Variants in KCNIP1 observed in about 807,000 individuals in gnomAD.
KCNIP1 encodes A-type potassium channel modulatory protein KCNIP1.
In KCNIP1, 18 loss-of-function variants were observed where a neutral mutation model predicts 33.0. That is an observed-to-expected ratio of 0.55 (90% confidence interval 0.38 to 0.81). The LOEUF (loss-of-function observed/expected upper bound fraction) is 0.81, where lower values mean the gene tolerates loss of function less well. Among genes scored for constraint, KCNIP1 ranks in the 30% least tolerant of loss-of-function variants. The pLI, the probability that KCNIP1 is intolerant of heterozygous loss-of-function variation, is 0.00. For synonymous variants in KCNIP1, 93 were observed against 98.3 expected (o/e 0.95, Z 0.32); for missense variants, 238 against 271.6 (o/e 0.88, Z 0.87).
At chr5:170,597,951 C>A (rs367938473) in intron 1 of KCNIP1, among the ~76,000 whole-genome samples, 1 of 151,946 alleles carries the variant, frequency 6.6e-6, no homozygotes, top group African/African-American at 2.4e-5. Context: ...AAACTCTGTC[C>A]GGAATTGCTG....
chr5:170,409,459 C>T (rs545777618), intron 1 of KCNIP1, among the ~76,000 whole-genome samples: 25 of 152,326 alleles, frequency 1.6e-4, no homozygotes, highest in Admixed American at 1.4e-3. Context: ...CTCCATCCCA[C>T]GGCTTTGCTC....
chr5:170,401,358 T>G (rs1754897132), intron 1 of KCNIP1, among the ~76,000 whole-genome samples: 2 of 152,344 alleles, frequency 1.3e-5, no homozygotes, highest in Middle Eastern at 3.4e-3. Flanking sequence ...GTGAATATTA[T>G]TATGAACTTC....
At chr5:170,695,839 T>A (rs1218695061) in intron 1 of KCNIP1, among the ~76,000 whole-genome samples, 1 of 152,106 alleles carries the variant, frequency 6.6e-6, no homozygotes, top group Non-Finnish European at 1.5e-5. Flanking sequence ...GCCAACATGA[T>A]GAAACCCCGT....
At chr5:170,457,732 C>A (rs999141498) in intron 1 of KCNIP1, among the ~76,000 whole-genome samples, 1 of 152,142 alleles carries the variant, frequency 6.6e-6, no homozygotes, top group Non-Finnish European at 1.5e-5. Context: ...ACAGACACTA[C>A]ACAAATGAGG....
rs535005444 is a variant in KCNIP1 at position 170,562,889 on chromosome 5, T to C, written c.61+58256T>C. ...TGGGACCCATGCTCCTGTAGCTGTCTGCAGTCTCGAGCCCCAAGGCAGTAG... is the reference window on the plus strand; with the variant it reads ...TGGGACCCATGCTCCTGTAGCTGTCCGCAGTCTCGAGCCCCAAGGCAGTAG... On this transcript the variant is annotated intron_variant, in intron 1 of 7. Coordinates refer to ENST00000328939, the MANE Select transcript of KCNIP1 (RefSeq NM_014592.4). Among the ~76,000 whole-genome samples, 28 of 152,336 alleles carry C rather than the reference T, an allele frequency of 1.8e-4. No individual in the cohort carries two copies. In the South Asian group the frequency reaches 2.3e-3, roughly 12 times the overall value.
At chr5:170,443,357 C>A (rs1288726086) in intron 1 of KCNIP1, among the ~76,000 whole-genome samples, 3 of 151,118 alleles carry the variant, frequency 2.0e-5, no homozygotes, top group African/African-American at 7.3e-5. Context: ...GGCTTGGAAA[C>A]CAAATCAACC....
chr5:170,633,905 G>A (rs918368725), intron 1 of KCNIP1, among the ~76,000 whole-genome samples: 3 of 152,160 alleles, frequency 2.0e-5, no homozygotes, highest in African/African-American at 7.2e-5. Context: ...CTGTGCTGGG[G>A]TAGACTGTCA....
At chr5:170,525,850 G>A (rs1236479228) in intron 1 of KCNIP1, among the ~76,000 whole-genome samples, 1 of 152,210 alleles carries the variant, frequency 6.6e-6, no homozygotes, top group African/African-American at 2.4e-5. Flanking sequence ...TGTTAGTTCG[G>A]GTCATGTTAG....
intron 1 of KCNIP1, among the ~76,000 whole-genome samples, chr5:170,366,165 T>C (rs1397156351): frequency 1.3e-5 from 2 of 152,374 alleles, no homozygotes; most frequent in South Asian, 2.1e-4. Flanking sequence ...ACTGTATTCA[T>C]TGAGCAAGCT....
chr5:170,681,973 C>T (rs1401738276), intron 1 of KCNIP1, among the ~76,000 whole-genome samples: 1 of 152,190 alleles, frequency 6.6e-6, no homozygotes, highest in Non-Finnish European at 1.5e-5. Context: ...AGATCAAACT[C>T]CAATAGTGTA....
At chr5:170,403,215 G>A (rs1754952347) in intron 1 of KCNIP1, among the ~76,000 whole-genome samples, 2 of 152,216 alleles carry the variant, frequency 1.3e-5, no homozygotes, top group Non-Finnish European at 2.9e-5. Flanking sequence ...AAGGGAGGGG[G>A]TGACAGAAAG....
intron 1 of KCNIP1, among the ~76,000 whole-genome samples, chr5:170,683,492 T>C (rs1762430258): frequency 6.6e-6 from 1 of 152,170 alleles, no homozygotes; most frequent in African/African-American, 2.4e-5. Context: ...TTACCACACA[T>C]AGGCTCTTAT....
chr5:170,417,388 G>C (rs1407989614), intron 1 of KCNIP1, among the ~76,000 whole-genome samples: 3 of 152,204 alleles, frequency 2.0e-5, no homozygotes, highest in African/African-American at 7.2e-5. Context: ...AGAATAAGCA[G>C]CCAGAAATCT....
intron 1 of KCNIP1, among the ~76,000 whole-genome samples, chr5:170,587,935 T>G (rs1438318042): frequency 6.6e-6 from 1 of 152,222 alleles, no homozygotes; most frequent in Non-Finnish European, 1.5e-5. Flanking sequence ...AGCTCAGTGC[T>G]TGGCACAGTA....
intron 1 of KCNIP1, among the ~76,000 whole-genome samples, chr5:170,423,287 GT>G (rs35494389): frequency 0.69 from 100,649 of 145,736 alleles, 34,906 homozygotes; most frequent in African/African-American, 0.81. Flanking sequence ...TTTCTTTCTT[GT>G]TTTTTTTTTT....
intron 1 of KCNIP1, among the ~76,000 whole-genome samples, chr5:170,558,715 T>G (rs1172451923): frequency 6.6e-6 from 1 of 152,216 alleles, no homozygotes; most frequent in Non-Finnish European, 1.5e-5. Flanking sequence ...TAAACTTTAA[T>G]GGTCCCCCGG....
chr5:170,537,265 C>T (rs139998247), intron 1 of KCNIP1, among the ~76,000 whole-genome samples: 24 of 152,258 alleles, frequency 1.6e-4, no homozygotes, highest in Middle Eastern at 3.4e-3. Context: ...TGTGTGACCT[C>T]GGACAAGTCA....
intron 1 of KCNIP1, among the ~76,000 whole-genome samples, chr5:170,663,064 G>A (rs1390690189): frequency 6.6e-6 from 1 of 152,192 alleles, no homozygotes; most frequent in Non-Finnish European, 1.5e-5. Flanking sequence ...CATGGGGGAT[G>A]GGGAAGAAGA....
At chr5:170,597,253 C>T (rs549668217) in intron 1 of KCNIP1, among the ~76,000 whole-genome samples, 19 of 152,294 alleles carry the variant, frequency 1.2e-4, no homozygotes, top group Non-Finnish European at 1.8e-4. Flanking sequence ...GCAGCTGCAG[C>T]AATCCTATGA....
Sources: allele counts gnomAD v4.1 joint callset (sites outside exome capture counted in the v4.1 genomes callset), GRCh38; gene constraint gnomAD v4.1.1; transcripts MANE v1.5; gene names NCBI Gene and HGNC (gene_info 2026-07-23, HGNC 2026-07-21).